The following FADS2 variants were observed in gnomAD, a reference collection of about 807,000 sequenced individuals.
The protein encoded by FADS2 is fatty acid desaturase 2, also known as acyl-CoA 6-desaturase.
In FADS2, 18 loss-of-function variants were observed where a neutral mutation model predicts 61.2. The ratio of observed to expected loss-of-function variants is 0.29; its 90% CI spans 0.20 to 0.44. The LOEUF is 0.44. Ranked by LOEUF, FADS2 falls within the 20% of genes least tolerant of loss-of-function variation. FADS2 has a pLI of 1.00. For synonymous variants in FADS2, 203 were observed against 223.9 expected (o/e 0.91, Z 0.83); for missense variants, 322 against 572.7 (o/e 0.56, Z 4.47).
In FADS2 at chr11:61,860,282, A is replaced by G. The variant is rs565458974; in HGVS notation, c.883-2690A>G. 5.3e-5 allele frequency among the ~76,000 whole-genome samples: 8 copies of G among 152,356 alleles called. No homozygotes were observed. In the East Asian group the frequency reaches 1.5e-3, roughly 29 times the overall value. ...CAAGCAGCCTGTCCCAGGTGCCAAT[A>G]GTGTGGAGGTTGGGGGACCCTGGCT... On this transcript the variant is annotated intron_variant, in intron 7 of 11. Transcript: ENST00000278840.
intron 5 of FADS2, among the ~76,000 whole-genome samples, chr11:61,853,373 T>C (rs1210346521): frequency 1.3e-5 from 2 of 150,614 alleles, no homozygotes; most frequent in East Asian, 3.9e-4. Flanking sequence ...AAGTAGTCTC[T>C]TTCTTTCTAA....
upstream of FADS2, among the ~76,000 whole-genome samples, chr11:61,824,511 GAAAGAAAGAAAGAA>G (rs1565325476): frequency 3.1e-4 from 36 of 115,476 alleles, 1 homozygote; most frequent in Admixed American, 8.8e-4. Context: ...AGGAAAGAAA[GAAAGAAAGAAAGAA>G]AGAAAAATCA....
chr11:61,848,095 G>C (rs1026024985), intron 4 of FADS2, 64 bp from the exon 5 acceptor site: 1 of 1,610,506 alleles, frequency 6.2e-7, no homozygotes, highest in Admixed American at 1.7e-5. Context: ...AGAAGGGCCT[G>C]TTACAAGCGA....
chr11:61,821,031 G>A (rs1052844168), intron 1 of FADS2, among the ~76,000 whole-genome samples: 1 of 152,204 alleles, frequency 6.6e-6, no homozygotes, highest in African/African-American at 2.4e-5. Context: ...CACCTACACA[G>A]GTGGTCACAC....
Position 61,816,801 on chromosome 11 carries a change from C to T in FADS2, c.141+375C>T. 1.3e-6 allele frequency: 2 copies of T among 1,499,972 alleles called. No homozygotes were observed. Among genetic ancestry groups the T allele is most frequent in the Non-Finnish European group, 1.8e-6 (2 of 1,133,924 alleles). 92.9% of individuals were successfully genotyped at this position (1,499,972 alleles called of 1,614,324 possible). A position where few individuals can be genotyped will look rare whatever the true frequency, so the allele number is the denominator to read the frequency against. On this transcript the variant is annotated intron_variant, in intron 1 of 11. Coordinates refer to the FADS2 transcript ENST00000257261. The surrounding 1 kb of genome is among the most constrained non-coding windows in gnomAD (Gnocchi z 7.0). ...CGCGCGCCGGGCCAGCAGGGGCTGT[C>T]AGGCGCGTGCTCGGGGTCCGCGGGC...
chr11:61,857,109 C>T (rs931558728), intron 6 of FADS2, 38 bp downstream of exon 6: 1 of 1,546,158 alleles, frequency 6.5e-7, no homozygotes, highest in Admixed American at 1.7e-5. Flanking sequence ...CTGGGACCCT[C>T]CCCTCCCCCC....
At chr11:61,827,881 A>G (rs941178336), upstream of FADS2, 1 of 246,178 alleles carries the variant, frequency 4.1e-6, no homozygotes, top group Non-Finnish European at 6.5e-6. The surrounding 1 kb of genome is among the most constrained non-coding windows in gnomAD (Gnocchi z 4.5). Flanking sequence ...TCCACGCGGG[A>G]GGGCGGGGGA....
At chr11:61,854,394 G>A (rs2135973107) in intron 5 of FADS2, 1 of 152,402 alleles carries the variant, frequency 6.6e-6, no homozygotes, top group South Asian at 2.1e-4. Context: ...TTCATGGATG[G>A]AACAGCTAAG....
chr11:61,857,503 G>T lies in FADS2; in HGVS notation c.855G>T (p.Met285Ile). 6.2e-7 allele frequency: 1 copy of T among 1,613,926 alleles called. No homozygotes were observed. Among genetic ancestry groups the T allele is most frequent in the South Asian group, 1.1e-5 (1 of 91,026 alleles). Residue 285 changes from methionine (M) to isoleucine (I), a missense_variant, in exon 7 of 12, where the codon ATG becomes ATT. Around this residue, in one of 3 missense-constraint regions of FADS2, gnomAD observed 221 missense variants for 427.9 expected, o/e 0.52. Coordinates refer to ENST00000278840, the MANE Select transcript of FADS2 (RefSeq NM_004265.4). ...IPMYFQYQII[M>I]TMIVHKNWVD... ...TGTATTTCCAGTACCAGATCATCAT[G>T]ACCATGATCGTCCATAAGAACTGGG...
chr11:61,862,522 A>AGATCTCGGTGGTCG, intron 7 of FADS2: 1 of 181,682 alleles, frequency 5.5e-6, no homozygotes, highest in Admixed American at 5.7e-5. Context: ...GGTACCTCTG[A>AGATCTCGGTGGTCG]CCTTCCCTAC....
intron 4 of FADS2, among the ~76,000 whole-genome samples, chr11:61,840,943 C>A (rs918971582): frequency 2.0e-5 from 3 of 152,192 alleles, no homozygotes; most frequent in Non-Finnish European, 4.4e-5. Context: ...ATTATGAAGA[C>A]AGGCACACAC....
intron 1 of FADS2, among the ~76,000 whole-genome samples, chr11:61,835,041 GGA>G (rs2067160712): frequency 6.8e-5 from 2 of 29,456 alleles, no homozygotes; most frequent in Non-Finnish European, 2.8e-4. Flanking sequence ...GCCTCCCCAG[GGA>G]CTTCTCCCTG....
Position 61,816,965 on chromosome 11 carries a change from T to TC in FADS2, c.141+544dup. 7.3e-7 allele frequency: 1 copy of TC among 1,370,698 alleles called. No individual in the cohort carries two copies. Among genetic ancestry groups the TC allele is most frequent in the Non-Finnish European group, 9.3e-7 (1 of 1,070,038 alleles). The allele number at this position is 1,370,698 out of a possible 1,614,324, so 84.9% of individuals were successfully genotyped here. On this transcript the variant is annotated intron_variant, in intron 1 of 11. Coordinates refer to the FADS2 transcript ENST00000257261. The surrounding 1 kb of genome is among the most constrained non-coding windows in gnomAD (Gnocchi z 7.0). ...TCGTGGCGCGGGGAGCGAGATCCCG[T>TC]CCCCCGGTGGGTCTTGGGCAACTCA...
At chr11:61,843,723 A>C (rs978632738) in intron 4 of FADS2, among the ~76,000 whole-genome samples, 1 of 152,152 alleles carries the variant, frequency 6.6e-6, no homozygotes, top group African/African-American at 2.4e-5. Context: ...CAATGGCGTG[A>C]TCTCAACTCA....
chr11:61,839,081 T>A (rs1374717657), intron 2 of FADS2, among the ~76,000 whole-genome samples: 2 of 152,100 alleles, frequency 1.3e-5, no homozygotes, highest in Admixed American at 1.3e-4. Flanking sequence ...CCCTGCCTCT[T>A]GTCCCAAGTT....
Position 61,816,466 on chromosome 11 carries a change from G to T in FADS2, c.141+40G>T. 6.2e-7 allele frequency: 1 copy of T among 1,600,866 alleles called. No homozygotes were observed. The highest frequency in any genetic ancestry group is 8.5e-7 in the Non-Finnish European group (1 of 1,179,570). On this transcript the variant is annotated intron_variant, in intron 1 of 11. Transcript: ENST00000257261. The surrounding 1 kb of genome is among the most constrained non-coding windows in gnomAD (Gnocchi z 7.0). Reference sequence around the variant, plus strand: ...CTCCGGGCTTTCCTCCGAATTAGTCGGTGTTTGGCTCGGAGTGCGTAACTC... The same window carrying T: ...CTCCGGGCTTTCCTCCGAATTAGTCTGTGTTTGGCTCGGAGTGCGTAACTC...
Position 61,857,049 on chromosome 11 carries a change from C to T in FADS2, c.783C>T (p.His261=), listed in dbSNP as rs920903100. 1.2e-6 allele frequency: 2 copies of T among 1,613,888 alleles called. No individual in the cohort carries two copies. The highest frequency in any genetic ancestry group is 1.3e-5 in the African/African-American group (1 of 74,904). ...AGCTGAAATACCTGCCCTACAATCA[C>T]CAGCACGAATACTTCTTCCTGAGTG... The part of the protein sequence containing the change: ...KKKLKYLPYN[H]QHEYFFLIGP... Residue 261 remains histidine, a synonymous_variant, in exon 6 of 12, where the codon CAC becomes CAT. Transcript: ENST00000278840.
rs1393908871 is a variant in FADS2 at position 61,867,121 on chromosome 11, C to A, written c.*1432C>A. 1 of 152,280 alleles carries A rather than the reference C, an allele frequency of 6.6e-6. No individual in the cohort carries two copies. Among genetic ancestry groups the A allele is most frequent in the African/African-American group, 2.4e-5 (1 of 41,414 alleles). The allele number at this position is 152,280 out of a possible 1,614,324, so 9.4% of individuals were successfully genotyped here. The stretch of plus-strand genomic sequence containing the variant: ...GATTCAGGGGAAGGGCAGGCACCAA[C>A]AACTCAGAATGGGGGCTTTCGGGGA... On this transcript the variant is annotated 3_prime_UTR_variant, in exon 12 of 12. Transcript: ENST00000278840.
At chr11:61,850,857 C>T (rs1016164237) in intron 5 of FADS2, among the ~76,000 whole-genome samples, 1 of 152,202 alleles carries the variant, frequency 6.6e-6, no homozygotes, top group African/African-American at 2.4e-5. Context: ...GTATTCCCGA[C>T]AGCCTTGGCG....
Sources: gnomAD v4.1 joint callset for allele counts (sites outside exome capture counted in the v4.1 genomes callset) on GRCh38, gnomAD v4.1.1 for gene constraint, gnomAD v4.1.1 regional missense constraint, Gnocchi (gnomAD v3.1) non-coding constraint, MANE v1.5 for transcripts, NCBI Gene and HGNC (gene_info 2026-07-23, HGNC 2026-07-21) for gene names.